VPS13B: variants seen among roughly 807,000 people sequenced by gnomAD.
VPS13B encodes the protein intermembrane lipid transfer protein VPS13B.
VPS13B carries 285 observed loss-of-function variants against 426.4 expected under a neutral mutation model. That is an observed-to-expected ratio of 0.67 (90% CI 0.61 to 0.74). The LOEUF is 0.74. Among genes scored for constraint, VPS13B ranks in the 30% least tolerant of loss-of-function variants. The pLI is 0.00. For synonymous variants in VPS13B, 1,676 were observed against 1,676.4 expected (o/e 1.00, Z 0.01); for missense variants, 4,537 against 4,782.6 (o/e 0.95, Z 1.51).
At chr8:99,171,269 TATGTTGCATTTGAGTC>T (rs1295213497) in intron 16 of VPS13B, among the ~76,000 whole-genome samples, 1 of 151,990 alleles carries the variant, frequency 6.6e-6, no homozygotes, top group African/African-American at 2.4e-5. Context: ...GCATACATGG[TATGTTGCATTTGAGTC>T]AAGTTTTATA....
rs1812419830 is a variant in VPS13B, at chr8:99,360,118, T to TTTTC, written c.2825-24089_2825-24088insTTCT. ...TGCCCAACCTGTTTTTTTTTTTTCC[T>TTTTC]TATCTTTCTTTCTTTCTTTCTTTCT... On this transcript the variant is annotated intron_variant, in intron 19 of 61. Coordinates refer to ENST00000357162, the MANE Select transcript of VPS13B (RefSeq NM_152564.5). 1.5e-4 allele frequency among the ~76,000 whole-genome samples: 18 copies of TTTTC among 123,326 alleles called. 1 individual carries two copies. Among genetic ancestry groups the TTTTC allele is most frequent in the East Asian group, 7.5e-4 (3 of 4,004 alleles). The allele number at this position is 123,326 out of a possible 152,430, so 80.9% of individuals were successfully genotyped here.
intron 2 of VPS13B, among the ~76,000 whole-genome samples, chr8:99,028,509 G>A (rs1169821486): frequency 1.7e-4 from 10 of 60,106 alleles, no homozygotes; most frequent in African/African-American, 3.0e-4. Context: ...GCGGCTGGCC[G>A]GGCGGGGGGC....
intron 15 of VPS13B, among the ~76,000 whole-genome samples, chr8:99,159,704 G>A (rs549036100): frequency 1.4e-4 from 21 of 152,278 alleles, no homozygotes; most frequent in African/African-American, 4.8e-4. Flanking sequence ...CTGTCACCCA[G>A]GCCGTAGTGC....
rs60698750 is a variant in VPS13B, at chr8:99,250,664, C to CTTTTT, written c.2516-23500_2516-23496dup. ...CTGTCCACTAATCCGTGTGTTTATT[C>CTTTTT]TTTTTTTTTTTTTTTTTTTTTTTTT... On this transcript the variant is annotated intron_variant, in intron 17 of 61. Coordinates refer to ENST00000357162, the MANE Select transcript of VPS13B (RefSeq NM_152564.5). Among the ~76,000 whole-genome samples the CTTTTT allele has an allele frequency of 1.1e-4, 4 of 35,806 alleles. 2 individuals are homozygous for CTTTTT. Among genetic ancestry groups the CTTTTT allele is most frequent in the East Asian group, 2.3e-3 (2 of 882 alleles). 23.5% of individuals were successfully genotyped at this position (35,806 alleles called of 152,430 possible). A position where few individuals can be genotyped will look rare whatever the true frequency, so the allele number is the denominator to read the frequency against.
chr8:99,357,581 C>A (rs1337292200), intron 19 of VPS13B, among the ~76,000 whole-genome samples: 2 of 151,878 alleles, frequency 1.3e-5, no homozygotes, highest in Non-Finnish European at 2.9e-5. Flanking sequence ...TTATTTTATT[C>A]CAAAAGGAAA....
At position 99,442,180 on chromosome 8, in the gene VPS13B, G is replaced by A. The variant is rs371214588; in HGVS notation, c.3211-221G>A. ...TTGTGTCTTGGAAAAGACTGTGGAA[G>A]GGCAGATCATCTCTTGTCACTAGGC... On this transcript the variant is annotated intron_variant, in intron 22 of 61. Coordinates refer to ENST00000357162, the MANE Select transcript of VPS13B (RefSeq NM_152564.5). 3.9e-5 allele frequency among the ~76,000 whole-genome samples: 6 copies of A among 152,144 alleles called. No homozygotes were observed. The South Asian group carries it at 8.3e-4, about 21-fold the overall frequency.
chr8:99,817,427 A>T, intron 44 of VPS13B, 113 bp from the exon 45 acceptor site: 1 of 1,384,026 alleles, frequency 7.2e-7, no homozygotes, highest in Non-Finnish European at 1.0e-6. Context: ...TAAGCTAATT[A>T]CTTCATTTTC....
intron 39 of VPS13B, among the ~76,000 whole-genome samples, chr8:99,733,186 A>T (rs1267165344): frequency 1.3e-5 from 2 of 152,218 alleles, no homozygotes; most frequent in Admixed American, 6.5e-5. Context: ...CTCCTATGAG[A>T]TTCACAATAA....
At chr8:99,341,772 C>G in intron 19 of VPS13B, 1 of 384,600 alleles carries the variant, frequency 2.6e-6, no homozygotes. Flanking sequence ...CTGGGTCAAA[C>G]CCCCAGGCGT....
chr8:99,642,475 T>G lies in VPS13B; in HGVS notation c.5885T>G (p.Val1962Gly), dbSNP rs149408318. The change falls in exon 34 of 62, where the codon GTG (valine) becomes GGG (glycine). Residue 1962 changes from valine to glycine, a missense_variant. Coordinates refer to ENST00000357162, the MANE Select transcript of VPS13B (RefSeq NM_152564.5). ...VSIFDAVLKG[V>G]ASDYKCIDPG... ...ATTTTTGATGCTGTGCTTAAAGGGGTGGCCTCTGATTACAAATGTATAGGT... is the reference window on the plus strand; with the variant it reads ...ATTTTTGATGCTGTGCTTAAAGGGGGGGCCTCTGATTACAAATGTATAGGT... The G allele has an allele frequency of 1.2e-6, 2 of 1,613,424 alleles. No individual in the cohort carries two copies. Among genetic ancestry groups the G allele is most frequent in the African/African-American group, 2.7e-5 (2 of 74,886 alleles).
chr8:99,696,779 T>TC, intron 35 of VPS13B: 1 of 1,408,654 alleles, frequency 7.1e-7, no homozygotes, highest in Non-Finnish European at 1.0e-6. Context: ...CATGCGTTTT[T>TC]CCAAATTATT....
At chr8:99,791,317 A>G (rs1488609533) in intron 43 of VPS13B, among the ~76,000 whole-genome samples, 1 of 152,178 alleles carries the variant, frequency 6.6e-6, no homozygotes, top group African/African-American at 2.4e-5. Context: ...GTTGACCACC[A>G]GTTTGCAAAA....
At chr8:99,019,884 C>T (rs371273539) in intron 2 of VPS13B, among the ~76,000 whole-genome samples, 26 of 152,186 alleles carry the variant, frequency 1.7e-4, no homozygotes, top group African/African-American at 5.5e-4. Flanking sequence ...TTCATTTATT[C>T]GTTGATGGAT....
intron 12 of VPS13B, among the ~76,000 whole-genome samples, chr8:99,142,064 A>C (rs1563564771): frequency 1.3e-5 from 2 of 152,070 alleles, no homozygotes; most frequent in South Asian, 2.1e-4. Flanking sequence ...TAAATAAATA[A>C]AAATCAATCA....
chr8:99,214,252 C>T (rs1215579663), intron 17 of VPS13B, among the ~76,000 whole-genome samples: 1 of 152,126 alleles, frequency 6.6e-6, no homozygotes, highest in Non-Finnish European at 1.5e-5. Flanking sequence ...CTACATTTAT[C>T]CTACAATGGT....
chr8:99,407,967 C>T (rs564624514), intron 21 of VPS13B, among the ~76,000 whole-genome samples: 1 of 152,278 alleles, frequency 6.6e-6, no homozygotes, highest in Non-Finnish European at 1.5e-5. Flanking sequence ...AGATTCCCTT[C>T]TGCTATGTTC....
At chr8:99,671,429 T>C (rs1468680531) in intron 35 of VPS13B, among the ~76,000 whole-genome samples, 1 of 152,208 alleles carries the variant, frequency 6.6e-6, no homozygotes, top group African/African-American at 2.4e-5. Context: ...CTGTAGGTTA[T>C]CTCTTCATAC....
At position 99,530,831 on chromosome 8, in the gene VPS13B, C is replaced by T. The variant is rs536475267; in HGVS notation, c.4745+9821C>T. ...AGTCTGTAGACATTCAGTAGCTTCTCCTAGGCCACACGTAATAAGTGACAG... is the reference window on the plus strand; with the variant it reads ...AGTCTGTAGACATTCAGTAGCTTCTTCTAGGCCACACGTAATAAGTGACAG... On this transcript the variant is annotated intron_variant, in intron 30 of 61. Coordinates refer to ENST00000357162, the MANE Select transcript of VPS13B (RefSeq NM_152564.5). Among the ~76,000 whole-genome samples, 37 of 152,194 alleles carry T rather than the reference C, an allele frequency of 2.4e-4. No individual in the cohort carries two copies. In the East Asian group the frequency reaches 6.8e-3, roughly 28 times the overall value.
At chr8:99,043,383 G>C (rs1843061306) in intron 3 of VPS13B, among the ~76,000 whole-genome samples, 1 of 152,070 alleles carries the variant, frequency 6.6e-6, no homozygotes, top group African/African-American at 2.4e-5. Flanking sequence ...AAATCAATTA[G>C]TTAGAATTTG....
Sources: gnomAD v4.1 joint callset for allele counts (sites outside exome capture counted in the v4.1 genomes callset) on GRCh38, gnomAD v4.1.1 for gene constraint, MANE v1.5 for transcripts, NCBI Gene and HGNC (gene_info 2026-07-23, HGNC 2026-07-21) for gene names.